ROR1: variants seen among roughly 807,000 people sequenced by gnomAD.
The protein encoded by ROR1 is inactive tyrosine-protein kinase transmembrane receptor ROR1.
ROR1 carries 19 observed loss-of-function variants against 78.8 expected under a neutral mutation model. The ratio of observed to expected loss-of-function variants is 0.24; its 90% CI spans 0.17 to 0.35. ROR1 has a LOEUF of 0.35. Among genes scored for constraint, ROR1 ranks in the 10% least tolerant of loss-of-function variants. ROR1 has a pLI of 1.00. For missense variants in ROR1, 917 were observed against 1,177.8 expected (o/e 0.78, Z 3.24); for synonymous variants, 386 against 433.6 (o/e 0.89, Z 1.36).
chr1:64,107,127 T>C (rs1647852288), intron 4 of ROR1: 1 of 152,264 alleles, frequency 6.6e-6, no homozygotes, highest in Non-Finnish European at 1.5e-5. Context: ...CAATTTATTA[T>C]GTGTGTTATG....
At chr1:63,997,701 T>A (rs1307787598) in intron 1 of ROR1, among the ~76,000 whole-genome samples, 1 of 152,126 alleles carries the variant, frequency 6.6e-6, no homozygotes, top group African/African-American at 2.4e-5. Context: ...CTAGGGAGAT[T>A]CAATAGTTTA....
At chr1:64,110,566 A>C (rs1033839154) in intron 4 of ROR1, 1 of 152,008 alleles carries the variant, frequency 6.6e-6, no homozygotes, top group Non-Finnish European at 1.5e-5. Flanking sequence ...ACAGGATAAC[A>C]AAGGAGGGTT....
intron 1 of ROR1, among the ~76,000 whole-genome samples, chr1:63,909,160 G>A (rs72930810): frequency 1.3e-5 from 2 of 151,736 alleles, no homozygotes; most frequent in Non-Finnish European, 2.9e-5. Flanking sequence ...TGCCCCCTGC[G>A]CACCTGCTTT....
intron 2 of ROR1, among the ~76,000 whole-genome samples, chr1:64,020,524 T>G (rs1479727511): frequency 6.6e-6 from 1 of 152,188 alleles, no homozygotes; most frequent in Non-Finnish European, 1.5e-5. Context: ...GAAAATCATT[T>G]AATTCCAGCA....
chr1:64,160,513 G>A (rs1468753423), intron 8 of ROR1, among the ~76,000 whole-genome samples: 3 of 151,924 alleles, frequency 2.0e-5, no homozygotes, highest in African/African-American at 7.3e-5. Flanking sequence ...AGACCATAGA[G>A]TTCACACAGT....
Position 63,774,252 on chromosome 1 carries a change from C to T in ROR1, c.-166C>T. 1 of 303,990 alleles carries T rather than the reference C, an allele frequency of 3.3e-6. No homozygotes were observed. The highest frequency in any genetic ancestry group is 5.6e-5 in the South Asian group (1 of 17,986). The allele number at this position is 303,990 out of a possible 1,614,324, so 18.8% of individuals were successfully genotyped here. ...CTCGCGGCATCCAGAGGCGGCCAGG[C>T]GGAGGCGAGGGAGCAGGTTAGAGGG... On this transcript the variant is annotated 5_prime_UTR_variant, in exon 1 of 9. Coordinates refer to ENST00000371079, the MANE Select transcript of ROR1 (RefSeq NM_005012.4). This position sits in a 1 kb window ranked among gnomAD's most constrained non-coding sequence, Gnocchi z 5.7.
chr1:63,881,367 C>G (rs1012242675), intron 1 of ROR1, among the ~76,000 whole-genome samples: 1 of 152,010 alleles, frequency 6.6e-6, no homozygotes, highest in East Asian at 1.9e-4. Flanking sequence ...TTGCTATCAG[C>G]TAATAGAGAT....
intron 1 of ROR1, among the ~76,000 whole-genome samples, chr1:63,838,442 G>A (rs1645031517): frequency 6.6e-6 from 1 of 151,938 alleles, no homozygotes; most frequent in South Asian, 2.1e-4. Context: ...TCCTGACCCT[G>A]TGTAGGCCTA....
intron 1 of ROR1, among the ~76,000 whole-genome samples, chr1:63,921,521 GGTT>G (rs556522532): frequency 1.9e-3 from 283 of 152,218 alleles, no homozygotes; most frequent in African/African-American, 6.4e-3. Context: ...TGATCATTAT[GGTT>G]GTTGTCGCTA....
intron 1 of ROR1, among the ~76,000 whole-genome samples, chr1:63,898,541 A>C (rs980052439): frequency 1.3e-5 from 2 of 151,766 alleles, no homozygotes; most frequent in African/African-American, 2.4e-5. Flanking sequence ...AAGAGAATGA[A>C]AGGACAAAGG....
chr1:63,936,797 A>G (rs72912821), intron 1 of ROR1, among the ~76,000 whole-genome samples: 4,453 of 152,306 alleles, frequency 0.029, 231 homozygotes, highest in African/African-American at 0.1. Context: ...AGTTCTATGT[A>G]TAAGAGTCCT....
At chr1:63,996,754 G>T (rs777403015) in intron 1 of ROR1, among the ~76,000 whole-genome samples, 9 of 152,040 alleles carry the variant, frequency 5.9e-5, no homozygotes, top group Non-Finnish European at 2.9e-5. Context: ...TTAACAGTGC[G>T]CTAGAGGGGG....
At chr1:63,997,969 T>G (rs1646351894) in intron 1 of ROR1, among the ~76,000 whole-genome samples, 1 of 152,152 alleles carries the variant, frequency 6.6e-6, no homozygotes, top group African/African-American at 2.4e-5. Context: ...TCATTACTAT[T>G]ATGCCCATTT....
intron 1 of ROR1, among the ~76,000 whole-genome samples, chr1:63,827,734 A>G (rs765695775): frequency 6.6e-5 from 10 of 152,174 alleles, no homozygotes; most frequent in Non-Finnish European, 1.3e-4. Context: ...TTCCGAGGGG[A>G]GAGCTGGTGC....
At chr1:63,876,679 T>C (rs1027613767) in intron 1 of ROR1, among the ~76,000 whole-genome samples, 5 of 80,178 alleles carry the variant, frequency 6.2e-5, no homozygotes, top group Non-Finnish European at 1.1e-4. Context: ...TGTGTGTGTG[T>C]GTGCGCGTGT....
intron 1 of ROR1, among the ~76,000 whole-genome samples, chr1:63,979,741 C>T (rs1187928325): frequency 2.0e-5 from 3 of 152,072 alleles, no homozygotes. Context: ...GGAAAGGGCA[C>T]ATGATGAAAG....
rs1239229217 is a variant in ROR1 at position 64,179,484 on chromosome 1, T to G, written c.*629T>G. The G allele has an allele frequency of 1.3e-5, 2 of 152,342 alleles. No individual in the cohort carries two copies. The highest frequency in any genetic ancestry group is 2.9e-5 in the Non-Finnish European group (2 of 68,250). 9.4% of individuals were successfully genotyped at this position (152,342 alleles called of 1,614,324 possible). On this transcript the variant is annotated 3_prime_UTR_variant, in exon 9 of 9. Coordinates refer to ENST00000371079, the MANE Select transcript of ROR1 (RefSeq NM_005012.4). ...CTTTGGGAAGGTGTAGAGTGTGCCT[T>G]TTTGTGAATCCTCCTCTGATCATGA...
At chr1:63,872,577 A>G (rs1645258873) in intron 1 of ROR1, among the ~76,000 whole-genome samples, 1 of 152,176 alleles carries the variant, frequency 6.6e-6, no homozygotes, top group Admixed American at 6.6e-5. Context: ...TATACACACC[A>G]CCAAGTTGAA....
intron 3 of ROR1, 37 bp downstream of exon 3, chr1:64,050,015 C>A: frequency 6.2e-7 from 1 of 1,607,690 alleles, no homozygotes; most frequent in South Asian, 1.1e-5. Flanking sequence ...CTTTGGCCCT[C>A]AGCCCAATGT....
Sources: allele counts gnomAD v4.1 joint callset (sites outside exome capture counted in the v4.1 genomes callset), GRCh38; gene constraint gnomAD v4.1.1; non-coding constraint Gnocchi (gnomAD v3.1); transcripts MANE v1.5; gene names NCBI Gene and HGNC (gene_info 2026-07-23, HGNC 2026-07-21).